Variants in RHOT1 observed in about 807,000 individuals in gnomAD.
The protein encoded by RHOT1 is mitochondrial Rho GTPase 1.
In RHOT1, 27 loss-of-function variants were observed where a neutral mutation model predicts 95.3. The ratio of observed to expected loss-of-function variants is 0.28; its 90% CI spans 0.21 to 0.39. The LOEUF (loss-of-function observed/expected upper bound fraction) is 0.39, where lower values mean the gene tolerates loss of function less well. Among genes scored for constraint, RHOT1 ranks in the 10% least tolerant of loss-of-function variants. RHOT1 has a pLI of 1.00. For synonymous variants in RHOT1, 227 were observed against 263.5 expected (o/e 0.86, Z 1.34); for missense variants, 578 against 786.7 (o/e 0.73, Z 3.17).
intron 1 of RHOT1, chr17:32,151,102 T>A: frequency 1.1e-6 from 1 of 920,934 alleles, no homozygotes. Flanking sequence ...CAGGTTATCA[T>A]CTCACATCCT....
intron 19 of RHOT1, among the ~76,000 whole-genome samples, chr17:32,219,578 C>T (rs567369987): frequency 2.8e-4 from 42 of 152,298 alleles, no homozygotes; most frequent in African/African-American, 8.9e-4. Context: ...CACAGTTGTT[C>T]GTTTAACTCT....
At chr17:32,222,728 G>A in intron 19 of RHOT1, 1 of 294,054 alleles carries the variant, frequency 3.4e-6, no homozygotes, top group African/African-American at 2.3e-5. Context: ...GCTCTGCTGT[G>A]AACTGCAAAC....
chr17:32,148,082 G>A (rs914680414), intron 1 of RHOT1, among the ~76,000 whole-genome samples: 1 of 152,130 alleles, frequency 6.6e-6, no homozygotes, highest in Admixed American at 6.5e-5. Context: ...TGGCTAACAC[G>A]GTGAAACCTC....
intron 1 of RHOT1, 118 bp downstream of exon 1, chr17:32,142,847 C>T (rs1272853773): frequency 2.3e-6 from 2 of 888,662 alleles, no homozygotes; most frequent in African/African-American, 3.3e-5. Context: ...TCTCGCGCCT[C>T]ACAGCTCCGC....
intron 19 of RHOT1, among the ~76,000 whole-genome samples, chr17:32,212,187 G>A (rs1287199994): frequency 6.6e-6 from 1 of 152,160 alleles, no homozygotes; most frequent in Non-Finnish European, 1.5e-5. Context: ...ACTCACTGAG[G>A]GCTAGACTTT....
chr17:32,151,881 CAA>C (rs60313146), intron 1 of RHOT1, among the ~76,000 whole-genome samples: 151 of 60,792 alleles, frequency 2.5e-3, no homozygotes, highest in African/African-American at 6.7e-3. Flanking sequence ...GACTCCGTCT[CAA>C]AAAAAAAAAA....
At chr17:32,212,493 G>A (rs2038199859) in intron 19 of RHOT1, among the ~76,000 whole-genome samples, 1 of 152,168 alleles carries the variant, frequency 6.6e-6, no homozygotes, top group Non-Finnish European at 1.5e-5. Context: ...TGCAAGGCTA[G>A]TTCAAACCAA....
chr17:32,202,544 C>G (rs1056631387), intron 14 of RHOT1, among the ~76,000 whole-genome samples: 2 of 152,116 alleles, frequency 1.3e-5, no homozygotes, highest in African/African-American at 2.4e-5. Flanking sequence ...AATTCACATT[C>G]CAGTCAACTT....
intron 2 of RHOT1, among the ~76,000 whole-genome samples, chr17:32,171,866 C>T (rs550841763): frequency 3.9e-5 from 6 of 152,292 alleles, no homozygotes; most frequent in African/African-American, 1.2e-4. Flanking sequence ...TTATGGGTCT[C>T]AAATGAGATG....
At chr17:32,143,021 C>T (rs763971472) in intron 1 of RHOT1, 6 of 702,196 alleles carry the variant, frequency 8.5e-6, no homozygotes, top group Non-Finnish European at 1.6e-5. Context: ...CCTAACCGCC[C>T]GACCTCATCC....
At chr17:32,214,648 T>C (rs1386129633) in intron 19 of RHOT1, among the ~76,000 whole-genome samples, 1 of 152,208 alleles carries the variant, frequency 6.6e-6, no homozygotes, top group South Asian at 2.1e-4. Flanking sequence ...TCCCTGTTAC[T>C]TCTCAGGTTT....
intron 16 of RHOT1, among the ~76,000 whole-genome samples, 178 bp from the exon 17 acceptor site, chr17:32,206,732 C>T (rs1025892140): frequency 6.6e-6 from 1 of 152,040 alleles, no homozygotes; most frequent in Non-Finnish European, 1.5e-5. Context: ...GGATTACAAG[C>T]GTGAGCCACC....
At chr17:32,218,000 T>C (rs138774741) in intron 19 of RHOT1, among the ~76,000 whole-genome samples, 2,444 of 151,612 alleles carry the variant, frequency 0.016, 80 homozygotes, top group African/African-American at 0.057. Flanking sequence ...GTAGCTGGGA[T>C]TACAGGTATG....
intron 1 of RHOT1, among the ~76,000 whole-genome samples, chr17:32,157,008 G>A (rs1024526200): frequency 1.3e-5 from 2 of 152,238 alleles, no homozygotes; most frequent in African/African-American, 4.8e-5. Context: ...AGCACAGCTA[G>A]TAAGTGCTGG....
rs34176535 is a variant in RHOT1, at chr17:32,206,441, C to CTTTTTTTT, written c.1417-448_1417-441dup. Among the ~76,000 whole-genome samples, 26 of 67,028 alleles carry CTTTTTTTT rather than the reference C, an allele frequency of 3.9e-4. 1 individual carries two copies. Among genetic ancestry groups the CTTTTTTTT allele is most frequent in the Admixed American group, 4.8e-4 (3 of 6,238 alleles). 44.0% of individuals were successfully genotyped at this position (67,028 alleles called of 152,430 possible). On this transcript the variant is annotated intron_variant, in intron 16 of 19. Coordinates refer to ENST00000545287, the MANE Select transcript of RHOT1 (RefSeq NM_001033566.3). ...GAAGATACTTATTTGTCTATACTTT[C>CTTTTTTTT]TTTTTTTTTTTTTTTTTTTTTTTTT...
chr17:32,166,136 C>T (rs1338822392), intron 1 of RHOT1, among the ~76,000 whole-genome samples: 1 of 147,208 alleles, frequency 6.8e-6, no homozygotes, highest in Non-Finnish European at 1.5e-5. Context: ...TGCAGTGAGC[C>T]AAGATTGTGC....
At chr17:32,149,627 A>ATGTGTGTG (rs1488563031) in intron 1 of RHOT1, among the ~76,000 whole-genome samples, 42 of 87,190 alleles carry the variant, frequency 4.8e-4, no homozygotes, top group East Asian at 3.2e-3. Flanking sequence ...ATATATATAT[A>ATGTGTGTG]TATATATATG....
chr17:32,217,746 TCCATCTC>T, intron 19 of RHOT1, among the ~76,000 whole-genome samples: 1 of 143,016 alleles, frequency 7.0e-6, no homozygotes. Flanking sequence ...AGACCAAGAC[TCCATCTC>T]AAAAAAAAAA....
chr17:32,211,182 C>T lies in RHOT1; in HGVS notation c.1806C>T (p.Leu602=). 1 of 1,612,940 alleles carries T rather than the reference C, an allele frequency of 6.2e-7. No homozygotes were observed. Among genetic ancestry groups the T allele is most frequent in the Non-Finnish European group, 8.5e-7 (1 of 1,179,116 alleles). ...CATTTTGCATCTGTCAGAACTTCCT[C>T]AACTCAGACTTGCTGCAATCTGTAA... The part of the protein sequence containing the change: ...RCTFCICQNF[L]NSDLLQSVKN... The change falls in exon 19 of 20, where the codon CTC becomes CTT. Residue 602 remains leucine, a synonymous_variant. Transcript: ENST00000545287.
Sources: allele counts gnomAD v4.1 joint callset (sites outside exome capture counted in the v4.1 genomes callset), GRCh38; gene constraint gnomAD v4.1.1; transcripts MANE v1.5; gene names NCBI Gene and HGNC (gene_info 2026-07-23, HGNC 2026-07-21).